Variants in GRM8 observed in about 807,000 individuals in gnomAD.
GRM8 encodes glutamate metabotropic receptor 8.
GRM8 carries 47 observed loss-of-function variants against 87.2 expected under a neutral mutation model. That is an observed-to-expected ratio of 0.54 (90% CI 0.43 to 0.69). The LOEUF (loss-of-function observed/expected upper bound fraction) is 0.69, where lower values mean the gene tolerates loss of function less well. GRM8 is among the 30% of genes least tolerant of loss of function. The pLI, the probability that GRM8 is intolerant of heterozygous loss-of-function variation, is 0.00. For synonymous variants in GRM8, 396 were observed against 404.5 expected (o/e 0.98, Z 0.25); for missense variants, 1,019 against 1,139.2 (o/e 0.89, Z 1.52).
At chr7:127,130,441 T>C (rs1827623434) in intron 2 of GRM8, among the ~76,000 whole-genome samples, 1 of 152,138 alleles carries the variant, frequency 6.6e-6, no homozygotes, top group Non-Finnish European at 1.5e-5. Flanking sequence ...ATATGGACAA[T>C]GAAGTCCAGG....
chr7:126,880,449 T>C (rs1799925345), intron 6 of GRM8, among the ~76,000 whole-genome samples: 1 of 152,166 alleles, frequency 6.6e-6, no homozygotes, highest in South Asian at 2.1e-4. Flanking sequence ...TAGATTGAAC[T>C]AAAATTAGCC....
At chr7:127,136,863 T>C (rs1827969955) in intron 2 of GRM8, among the ~76,000 whole-genome samples, 1 of 151,922 alleles carries the variant, frequency 6.6e-6, no homozygotes, top group Admixed American at 6.6e-5. Context: ...AGCTCTCTTT[T>C]TAAATATTCC....
rs144136214 is a variant in GRM8 at position 126,795,828 on chromosome 7, G to C, written c.1157-25763C>G. 1.2e-3 allele frequency among the ~76,000 whole-genome samples: 176 copies of C among 151,660 alleles called. 1 individual carries two copies. The highest frequency in any genetic ancestry group is 4.1e-3 in the African/African-American group (168 of 41,352). On this transcript the variant is annotated intron_variant, in intron 6 of 10. Coordinates refer to ENST00000339582, the MANE Select transcript of GRM8 (RefSeq NM_000845.3). ...CTGGATGTATGTTGCTGCAGCCAGT[G>C]AAGTTAGAATAAAATAAGACTGGAA...
chr7:126,894,585 G>A (rs1801365092), intron 6 of GRM8, among the ~76,000 whole-genome samples: 2 of 151,982 alleles, frequency 1.3e-5, no homozygotes, highest in Admixed American at 1.3e-4. Context: ...TTCTAAAAAT[G>A]TTAGTTTCTC....
intron 7 of GRM8, among the ~76,000 whole-genome samples, chr7:126,719,844 T>C (rs930567636): frequency 2.9e-5 from 4 of 137,784 alleles, no homozygotes; most frequent in Admixed American, 7.2e-5. Context: ...AGATAGTCTT[T>C]AGTCTTGAAA....
At chr7:126,858,924 G>A (rs1347600888) in intron 6 of GRM8, among the ~76,000 whole-genome samples, 1 of 152,094 alleles carries the variant, frequency 6.6e-6, no homozygotes, top group African/African-American at 2.4e-5. Context: ...TGAGGCCTCT[G>A]CCTTGTTATT....
At chr7:126,838,009 C>CTAT (rs1171546711) in intron 6 of GRM8, among the ~76,000 whole-genome samples, 1 of 152,120 alleles carries the variant, frequency 6.6e-6, no homozygotes. Context: ...ACTGTGAAGC[C>CTAT]TATTTCAAAT....
At chr7:127,195,386 G>A (rs17867789) in intron 2 of GRM8, among the ~76,000 whole-genome samples, 10 of 152,122 alleles carry the variant, frequency 6.6e-5, no homozygotes, top group Non-Finnish European at 1.2e-4. Flanking sequence ...CTACCTGGAC[G>A]GGGGAAAATC....
Position 126,819,443 on chromosome 7 carries a change from T to C in GRM8, c.1157-49378A>G, listed in dbSNP as rs112221753. Reference sequence around the variant, plus strand: ...CATTGTAAATATTTGTTGTGTCTATTGCCTCTCTGCTAAACTATGAATTTC... The same window carrying C: ...CATTGTAAATATTTGTTGTGTCTATCGCCTCTCTGCTAAACTATGAATTTC... On this transcript the variant is annotated intron_variant, in intron 6 of 10. Transcript: ENST00000339582. Among the ~76,000 whole-genome samples the C allele has an allele frequency of 7.8e-3, 1,190 of 152,336 alleles. 7 individuals carry two copies. The highest frequency in any genetic ancestry group is 0.026 in the African/African-American group (1,101 of 41,580).
At chr7:127,028,074 C>G (rs113662464) in intron 3 of GRM8, among the ~76,000 whole-genome samples, 41,454 of 152,102 alleles carry the variant, frequency 0.27, 6,283 homozygotes, top group African/African-American at 0.41. Context: ...TTTTCTGCAT[C>G]TACTGAGATA....
chr7:126,446,310 G>A lies in GRM8; in HGVS notation c.2493C>T (p.Gly831=), dbSNP rs781043313. The change falls in exon 10 of 11, where the codon GGC becomes GGT. Residue 831 remains glycine (G), a synonymous_variant. Coordinates refer to ENST00000339582, the MANE Select transcript of GRM8 (RefSeq NM_000845.3). ...TATAAACCTTGGGCATATAGAGCAT[G>A]CCCAGAGATACTGAAGCACTTAAAC... The part of the protein sequence containing the change: ...SMSLSASVSL[G]MLYMPKVYII... 2 of 1,609,934 alleles carry A rather than the reference G, an allele frequency of 1.2e-6. No homozygotes were observed. Among genetic ancestry groups the A allele is most frequent in the Non-Finnish European group, 1.7e-6 (2 of 1,176,964 alleles).
intron 3 of GRM8, among the ~76,000 whole-genome samples, chr7:127,082,479 A>G (rs917078307): frequency 2.6e-5 from 4 of 152,148 alleles, no homozygotes; most frequent in African/African-American, 9.7e-5. Flanking sequence ...AACCTGCTTT[A>G]GTTCTCAATC....
chr7:127,215,206 T>A (rs1449020142), intron 2 of GRM8: 2 of 152,224 alleles, frequency 1.3e-5, no homozygotes, highest in African/African-American at 4.8e-5. Context: ...TGGAATTATC[T>A]TAACAATTCT....
chr7:127,068,210 T>G (rs17869567), intron 3 of GRM8, among the ~76,000 whole-genome samples: 1,532 of 152,280 alleles, frequency 0.01, 28 homozygotes, highest in African/African-American at 0.035. Context: ...TCAAAAGATG[T>G]GGGTGGTTTG....
At chr7:127,022,603 A>C (rs1816386979) in intron 3 of GRM8, among the ~76,000 whole-genome samples, 1 of 152,008 alleles carries the variant, frequency 6.6e-6, no homozygotes, top group Admixed American at 6.6e-5. Context: ...GGTTGGGTCC[A>C]CAGTTTCCAA....
chr7:126,824,662 C>T, intron 6 of GRM8, among the ~76,000 whole-genome samples: 1 of 152,192 alleles, frequency 6.6e-6, no homozygotes, highest in East Asian at 1.9e-4. Context: ...ACTAATGGCA[C>T]CCATCCCAAA....
At chr7:127,005,933 C>G (rs758165150) in intron 3 of GRM8, among the ~76,000 whole-genome samples, 1 of 151,792 alleles carries the variant, frequency 6.6e-6, no homozygotes, top group Non-Finnish European at 1.5e-5. Flanking sequence ...CCCCACCACC[C>G]AGCATCCTTC....
At chr7:126,677,723 TA>T (rs1468464265) in intron 7 of GRM8, among the ~76,000 whole-genome samples, 5 of 152,050 alleles carry the variant, frequency 3.3e-5, no homozygotes, top group African/African-American at 1.2e-4. Flanking sequence ...GAATGAGGGA[TA>T]AAAAAACTAC....
chr7:126,931,152 A>T (rs559242483), intron 3 of GRM8, among the ~76,000 whole-genome samples: 1 of 152,368 alleles, frequency 6.6e-6, no homozygotes, highest in African/African-American at 2.4e-5. Context: ...AATTTTCAGG[A>T]GTAATGGGAA....
Sources: allele counts gnomAD v4.1 joint callset (sites outside exome capture counted in the v4.1 genomes callset), GRCh38; gene constraint gnomAD v4.1.1; transcripts MANE v1.5; gene names NCBI Gene and HGNC (gene_info 2026-07-23, HGNC 2026-07-21).